Variants in MLLT6 observed in about 807,000 individuals in gnomAD.
The protein encoded by MLLT6 is MLLT6, PHD finger containing.
In MLLT6, 22 loss-of-function variants were observed where a neutral mutation model predicts 103.0. The observed-to-expected ratio is 0.21, with a 90% CI of 0.15 to 0.31. MLLT6 has a LOEUF of 0.31. Among genes scored for constraint, MLLT6 ranks in the 10% least tolerant of loss-of-function variants. The probability of loss-of-function intolerance (pLI) is 1.00; values close to 1 mark genes in which losing one functional copy is unlikely to be tolerated. For synonymous variants in MLLT6, 606 were observed against 623.5 expected (o/e 0.97, Z 0.42); for missense variants, 1,199 against 1,441.7 (o/e 0.83, Z 2.73).
At chr17:38,723,552 TAGAC>T (rs1181952356) in intron 18 of MLLT6, among the ~76,000 whole-genome samples, 2 of 152,056 alleles carry the variant, frequency 1.3e-5, no homozygotes, top group East Asian at 1.9e-4. Flanking sequence ...AAAGAAATAT[TAGAC>T]AGGAAACCAA....
Position 38,711,797 on chromosome 17 carries a change from C to T in MLLT6, c.553-50C>T, listed in dbSNP as rs771582610. 4.1e-6 allele frequency: 6 copies of T among 1,466,790 alleles called. No homozygotes were observed. In the African/African-American group the frequency reaches 7.1e-5, roughly 17 times the overall value. 90.9% of individuals were successfully genotyped at this position (1,466,790 alleles called of 1,614,324 possible). ...TCCTCTAACCTTCTGGAAGCGTTCC[C>T]TAAGCCCGTGAGAAGAGGGTTTGCA... is the stretch of plus-strand genomic sequence containing the variant. On this transcript the variant is annotated intron_variant, in intron 6 of 19. Coordinates refer to ENST00000621332, the MANE Select transcript of MLLT6 (RefSeq NM_005937.4).
chr17:38,722,774 GC>G lies in MLLT6; in HGVS notation c.2883+10del. 1 of 1,604,946 alleles carries G rather than the reference GC, an allele frequency of 6.2e-7. No individual in the cohort carries two copies. Among genetic ancestry groups the G allele is most frequent in the Non-Finnish European group, 8.5e-7 (1 of 1,172,784 alleles). On this transcript the variant is annotated splice_region_variant and intron_variant, in intron 18 of 19. Transcript: ENST00000621332. ...CCTCCCCGCAGCTGACCCCGGTAAT[GC>G]CCCTCCCTTCCCTGCCTCAGGTGCC... is the stretch of plus-strand genomic sequence containing the variant.
chr17:38,728,541 G>T lies in MLLT6; in HGVS notation c.*2943G>T. On this transcript the variant is annotated 3_prime_UTR_variant, in exon 20 of 20. Transcript: ENST00000621332. ...CCTCAGTGAGGAGGTGTGAGTGGGG[G>T]TGCATATAGAGGCAGTGCCTGCTGT... 1 of 233,634 alleles carries T rather than the reference G, an allele frequency of 4.3e-6. No homozygotes were observed. Among genetic ancestry groups the T allele is most frequent in the Middle Eastern group, 1.3e-3 (1 of 788 alleles). The allele number at this position is 233,634 out of a possible 1,614,324, so 14.5% of individuals were successfully genotyped here.
In MLLT6 at chr17:38,728,650, G is replaced by A. The variant is rs999615122; in HGVS notation, c.*3052G>A. ...CCAGCTCCTCCCATCACAGATGACA[G>A]CTCCAAGCCTAGAAGGGGCTCAGTG... On this transcript the variant is annotated 3_prime_UTR_variant, in exon 20 of 20. Transcript: ENST00000621332. 26 of 233,804 alleles carry A rather than the reference G, an allele frequency of 1.1e-4. No individual in the cohort carries two copies. The highest frequency in any genetic ancestry group is 3.9e-4 in the Admixed American group (7 of 17,786). 14.5% of individuals were successfully genotyped at this position (233,804 alleles called of 1,614,324 possible). A position where few individuals can be genotyped will look rare whatever the true frequency, so the allele number is the denominator to read the frequency against.
chr17:38,712,978 C>T, intron 8 of MLLT6, 189 bp downstream of exon 8: 1 of 771,632 alleles, frequency 1.3e-6, no homozygotes, highest in African/African-American at 1.7e-5. Context: ...CAATCACCGA[C>T]CAACCATGGG....
In MLLT6 at chr17:38,716,524, G is replaced by A; in HGVS notation, c.1194G>A (p.Val398=). 1 of 1,614,158 alleles carries A rather than the reference G, an allele frequency of 6.2e-7. No individual in the cohort carries two copies. The highest frequency in any genetic ancestry group is 8.5e-7 in the Non-Finnish European group (1 of 1,180,032). The part of the protein sequence containing the change: ...PPKADLFEQK[V]VFSGFGPIMR... ...AGGCTGACCTTTTTGAGCAGAAGGT[G>A]GTCTTCTCTGGCTTTGGGCCCATCA... The change falls in exon 10 of 20, where the codon GTG becomes GTA. Residue 398 remains valine, a synonymous_variant. Coordinates refer to ENST00000621332, the MANE Select transcript of MLLT6 (RefSeq NM_005937.4). The surrounding 1 kb of genome is among the most constrained non-coding windows in gnomAD (Gnocchi z 5.6).
At chr17:38,725,227 C>A (rs1400761127) in intron 19 of MLLT6, 1 of 530,128 alleles carries the variant, frequency 1.9e-6, no homozygotes, top group Non-Finnish European at 3.3e-6. Flanking sequence ...TCCGGGAGGA[C>A]CAATTAGAAA....
intron 7 of MLLT6, 32 bp downstream of exon 7, chr17:38,712,046 C>A: frequency 6.6e-7 from 1 of 1,515,410 alleles, no homozygotes; most frequent in East Asian, 2.4e-5. Flanking sequence ...CCATCACTCC[C>A]ACACGGGGAC....
At chr17:38,720,600 G>A (rs1349269424) in intron 15 of MLLT6, 31 bp downstream of exon 15, 3 of 1,612,776 alleles carry the variant, frequency 1.9e-6, no homozygotes, top group East Asian at 4.5e-5. Context: ...CCGGGAGAGA[G>A]GCCCGTGCCC....
In MLLT6 at chr17:38,705,475, G is replaced by A. The variant is rs1026561623; in HGVS notation, c.-158G>A. The A allele has an allele frequency of 6.5e-6, 3 of 461,672 alleles. No homozygotes were observed. The highest frequency in any genetic ancestry group is 2.1e-5 in the African/African-American group (1 of 47,638). The allele number at this position is 461,672 out of a possible 1,614,324, so 28.6% of individuals were successfully genotyped here. On this transcript the variant is annotated 5_prime_UTR_variant, in exon 1 of 20. Coordinates refer to ENST00000621332, the MANE Select transcript of MLLT6 (RefSeq NM_005937.4). The stretch of plus-strand genomic sequence containing the variant: ...GGAGGAGGAGGAGGAGGACGCGGAG[G>A]AGGAGGAAGGAGGAGGCAAAGAAAA...
rs547180570 is a variant in MLLT6, at chr17:38,727,608, G to C, written c.*2010G>C. The stretch of plus-strand genomic sequence containing the variant: ...ACTTAAGGTCAGGAGTTCAAGACCA[G>C]CCTGGCCAACATGGTGAAACCCCGT... On this transcript the variant is annotated 3_prime_UTR_variant, in exon 20 of 20. Coordinates refer to ENST00000621332, the MANE Select transcript of MLLT6 (RefSeq NM_005937.4). The C allele has an allele frequency of 1.0e-5, 2 of 191,988 alleles. No individual in the cohort carries two copies. The highest frequency in any genetic ancestry group is 1.2e-4 in the Admixed American group (2 of 16,290). The allele number at this position is 191,988 out of a possible 1,614,324, so 11.9% of individuals were successfully genotyped here.
At chr17:38,708,877 G>A (rs1394485283) in intron 4 of MLLT6, among the ~76,000 whole-genome samples, 1 of 152,218 alleles carries the variant, frequency 6.6e-6, no homozygotes, top group Non-Finnish European at 1.5e-5. Context: ...CAACCTGGGC[G>A]ACAGAGGGAG....
At chr17:38,712,976 G>A (rs1401634391) in intron 8 of MLLT6, 187 bp downstream of exon 8, 7 of 770,840 alleles carry the variant, frequency 9.1e-6, no homozygotes, top group Admixed American at 1.7e-5. Flanking sequence ...ACCAATCACC[G>A]ACCAACCATG....
rs1331583679 is a variant in MLLT6, at chr17:38,717,451, G to A, written c.1671G>A (p.Lys557=). 1 of 1,607,946 alleles carries A rather than the reference G, an allele frequency of 6.2e-7. No homozygotes were observed. The highest frequency in any genetic ancestry group is 8.5e-7 in the Non-Finnish European group (1 of 1,176,862). The change falls in exon 11 of 20, where the codon AAG becomes AAA. Residue 557 remains lysine, a synonymous_variant. Coordinates refer to ENST00000621332, the MANE Select transcript of MLLT6 (RefSeq NM_005937.4). ...CTGCAGGCATCTACACCAGTAATAA[G>A]GACCCCATCTCCCACAGTGGCGGGA... ...LLGAGIYTSN[K]DPISHSGGML... is the part of the protein sequence containing the mutation.
rs1357693216 is a variant in MLLT6 at position 38,711,844 on chromosome 17, C to A, written c.553-3C>A. 5 of 1,544,900 alleles carry A rather than the reference C, an allele frequency of 3.2e-6. No individual in the cohort carries two copies. The highest frequency in any genetic ancestry group is 2.7e-5 in the African/African-American group (2 of 72,974). On this transcript the variant is annotated splice_polypyrimidine_tract_variant and splice_region_variant and intron_variant, in intron 6 of 19. Transcript: ENST00000621332. ...TGCAATTTCTCTCAAATCTCTCCCGCAGAAGACATCCCGGCACAGCAGCGG... is the reference window on the plus strand; with the variant it reads ...TGCAATTTCTCTCAAATCTCTCCCGAAGAAGACATCCCGGCACAGCAGCGG...
chr17:38,717,016 G>A (rs748742080), intron 10 of MLLT6, 35 bp downstream of exon 10: 1 of 1,608,558 alleles, frequency 6.2e-7, no homozygotes. Context: ...GCATTTCAGG[G>A]CCCAGCCAGT....
In MLLT6 at chr17:38,722,149, G is replaced by C. The variant is rs1905788344; in HGVS notation, c.2714G>C (p.Gly905Ala). 7.3e-7 allele frequency: 1 copy of C among 1,373,764 alleles called. No individual in the cohort carries two copies. 85.1% of individuals were successfully genotyped at this position (1,373,764 alleles called of 1,614,324 possible). A position where few individuals can be genotyped will look rare whatever the true frequency, so the allele number is the denominator to read the frequency against. The change falls in exon 17 of 20, where the codon GGG becomes GCG. Residue 905 changes from glycine (G) to alanine (A), a missense_variant. By Grantham distance (60) the Gly-to-Ala change is moderately conservative. Coordinates refer to ENST00000621332, the MANE Select transcript of MLLT6 (RefSeq NM_005937.4). The part of the protein sequence containing the change: ...PLNGLLGGLN[G>A]AAAPNPASLS... ...AATGGGCTCCTTGGGGGGTTGAATG[G>C]GGCCGCTGCCCCCAACCCCGCAAGC...
At position 38,729,655 on chromosome 17, in the gene MLLT6, C is replaced by T. The variant is rs1906216081; in HGVS notation, c.*4057C>T. 1 of 230,884 alleles carries T rather than the reference C, an allele frequency of 4.3e-6. No homozygotes were observed. Among genetic ancestry groups the T allele is most frequent in the Non-Finnish European group, 8.6e-6 (1 of 116,430 alleles). The allele number at this position is 230,884 out of a possible 1,614,324, so 14.3% of individuals were successfully genotyped here. On this transcript the variant is annotated 3_prime_UTR_variant, in exon 20 of 20. Transcript: ENST00000621332. ...TATCCTCAGCCCAAAGGCGATGCCC[C>T]CCTGCCACCTCCAAGCCTGGAATTG... is the stretch of plus-strand genomic sequence containing the variant.
Position 38,717,875 on chromosome 17 carries a change from C to T in MLLT6, c.1864C>T (p.Leu622Phe), listed in dbSNP as rs1905437763. Residue 622 changes from leucine to phenylalanine, a missense_variant, in exon 12 of 20, where the codon CTC becomes TTC. This residue lies in a region of MLLT6 where 1,034 missense variants were observed against 1,091.5 expected (regional missense o/e 0.95). Transcript: ENST00000621332. ...TTCTCTGGCTGGCTCTACCTTTAGCCTCCCTTCTACCCACATCTTTGGAAC... is the reference window on the plus strand; with the variant it reads ...TTCTCTGGCTGGCTCTACCTTTAGCTTCCCTTCTACCCACATCTTTGGAAC... ...VFSLAGSTFS[L>F]PSTHIFGTPM... 6.2e-7 allele frequency: 1 copy of T among 1,613,938 alleles called. No individual in the cohort carries two copies. Among genetic ancestry groups the T allele is most frequent in the African/African-American group, 1.3e-5 (1 of 74,930 alleles).
Sources: gnomAD v4.1 joint callset for allele counts (sites outside exome capture counted in the v4.1 genomes callset) on GRCh38, gnomAD v4.1.1 for gene constraint, gnomAD v4.1.1 regional missense constraint, Gnocchi (gnomAD v3.1) non-coding constraint, MANE v1.5 for transcripts, NCBI Gene and HGNC (gene_info 2026-07-23, HGNC 2026-07-21) for gene names.